Variants in PAPPA observed in about 807,000 individuals in gnomAD.
PAPPA encodes the protein pappalysin-1.
A neutral mutation model predicts 164.0 loss-of-function variants in PAPPA; 60 were observed. The ratio of observed to expected loss-of-function variants is 0.37; its 90% CI spans 0.30 to 0.45. The LOEUF (loss-of-function observed/expected upper bound fraction) is 0.45. Ranked by LOEUF, PAPPA falls within the 20% of genes least tolerant of loss-of-function variation. The pLI is 1.00. For missense variants in PAPPA, 1,782 were observed against 2,087.3 expected (o/e 0.85, Z 2.85); for synonymous variants, 875 against 814.1 (o/e 1.07, Z -1.27).
At chr9:116,223,321 G>A (rs990992942) in intron 5 of PAPPA, among the ~76,000 whole-genome samples, 15 of 152,114 alleles carry the variant, frequency 9.9e-5, no homozygotes, top group African/African-American at 3.6e-4. Flanking sequence ...CTTGAAAATG[G>A]AAGTTTCATA....
At chr9:116,188,528 T>C (rs890624329) in intron 2 of PAPPA, among the ~76,000 whole-genome samples, 8 of 152,158 alleles carry the variant, frequency 5.3e-5, no homozygotes, top group Non-Finnish European at 2.9e-5. Flanking sequence ...TTGTATGACA[T>C]AGAGTGGGTG....
chr9:116,240,076 A>G (rs531158625), intron 7 of PAPPA, among the ~76,000 whole-genome samples: 1 of 152,338 alleles, frequency 6.6e-6, no homozygotes, highest in South Asian at 2.1e-4. Flanking sequence ...CAAGAAGTAA[A>G]TACTCTGGAC....
At chr9:116,356,714 T>C (rs746130347) in intron 17 of PAPPA, among the ~76,000 whole-genome samples, 3 of 152,226 alleles carry the variant, frequency 2.0e-5, no homozygotes, top group Non-Finnish European at 4.4e-5. Context: ...CATTGGTCTA[T>C]ATATCTGTTT....
At chr9:116,338,114 G>A (rs1429845065) in intron 13 of PAPPA, among the ~76,000 whole-genome samples, 3 of 152,140 alleles carry the variant, frequency 2.0e-5, no homozygotes, top group Non-Finnish European at 4.4e-5. Context: ...GTTCATCCAC[G>A]TTGTGGTTCT....
Position 116,399,704 on chromosome 9 carries a change from A to G in PAPPA, c.*3088A>G, listed in dbSNP as rs1847020884. ...CCCAAAGGATTTGCATTACCCCCAG[A>G]TTCTGTGCCAACAACCTTTTAAGGA... On this transcript the variant is annotated 3_prime_UTR_variant, in exon 22 of 22. Coordinates refer to ENST00000328252, the MANE Select transcript of PAPPA (RefSeq NM_002581.5). 1 of 152,620 alleles carries G rather than the reference A, an allele frequency of 6.6e-6. No homozygotes were observed. Among genetic ancestry groups the G allele is most frequent in the South Asian group, 2.1e-4 (1 of 4,834 alleles). The allele number at this position is 152,620 out of a possible 1,614,324, so 9.5% of individuals were successfully genotyped here. A position where few individuals can be genotyped will look rare whatever the true frequency, so the allele number is the denominator to read the frequency against.
chr9:116,301,887 A>T (rs1310146664), intron 9 of PAPPA, among the ~76,000 whole-genome samples: 3 of 152,246 alleles, frequency 2.0e-5, no homozygotes, highest in African/African-American at 7.2e-5. Flanking sequence ...TATTCAAATT[A>T]ACAGAGCAAT....
chr9:116,341,930 G>A (rs1846143329), intron 13 of PAPPA, among the ~76,000 whole-genome samples: 2 of 152,218 alleles, frequency 1.3e-5, no homozygotes, highest in African/African-American at 4.8e-5. Context: ...AGATTTCCCT[G>A]ATTGGTAAAC....
intron 10 of PAPPA, among the ~76,000 whole-genome samples, chr9:116,321,682 A>G (rs1845857949): frequency 6.6e-6 from 1 of 152,266 alleles, no homozygotes; most frequent in African/African-American, 2.4e-5. Flanking sequence ...GGCCCTATAG[A>G]CTTTGATTTC....
chr9:116,338,692 C>T (rs1291589393), intron 13 of PAPPA, among the ~76,000 whole-genome samples: 1 of 152,202 alleles, frequency 6.6e-6, no homozygotes, highest in Admixed American at 6.5e-5. Context: ...GGGAATATAA[C>T]TACAAATGGA....
intron 7 of PAPPA, among the ~76,000 whole-genome samples, chr9:116,262,150 G>A (rs576028483): frequency 6.6e-6 from 1 of 151,464 alleles, no homozygotes; most frequent in South Asian, 2.1e-4. Context: ...GCGAGTTTGA[G>A]GCTACAGTGA....
At chr9:116,315,308 T>G (rs1246936123) in intron 10 of PAPPA, among the ~76,000 whole-genome samples, 2 of 152,174 alleles carry the variant, frequency 1.3e-5, no homozygotes, top group African/African-American at 2.4e-5. Context: ...CCTCATGTTC[T>G]TTCTGCTACT....
At chr9:116,209,081 G>C (rs1192064985) in intron 3 of PAPPA, among the ~76,000 whole-genome samples, 1 of 152,176 alleles carries the variant, frequency 6.6e-6, no homozygotes, top group Non-Finnish European at 1.5e-5. Flanking sequence ...CAATAGTGCT[G>C]AGGTTGAGAA....
At chr9:116,222,177 C>A (rs2118711020) in intron 5 of PAPPA, among the ~76,000 whole-genome samples, 1 of 152,256 alleles carries the variant, frequency 6.6e-6, no homozygotes, top group South Asian at 2.1e-4. Flanking sequence ...CTCCCATGTT[C>A]ACTGTACATT....
intron 1 of PAPPA, among the ~76,000 whole-genome samples, chr9:116,176,678 T>C (rs1843838643): frequency 6.6e-6 from 1 of 152,230 alleles, no homozygotes; most frequent in Non-Finnish European, 1.5e-5. Flanking sequence ...AGTATCCACA[T>C]AACTGCATGT....
At chr9:116,158,695 C>T (rs1843630748) in intron 1 of PAPPA, among the ~76,000 whole-genome samples, 1 of 152,210 alleles carries the variant, frequency 6.6e-6, no homozygotes, top group Non-Finnish European at 1.5e-5. Flanking sequence ...GACTGGGGAA[C>T]ACTTGAAGGT....
intron 3 of PAPPA, among the ~76,000 whole-genome samples, chr9:116,211,286 A>T (rs1844303509): frequency 6.6e-6 from 1 of 152,226 alleles, no homozygotes; most frequent in African/African-American, 2.4e-5. Context: ...TTACTTTGTA[A>T]GGGAAAGGTT....
chr9:116,323,278 T>C (rs1588003932), intron 10 of PAPPA, among the ~76,000 whole-genome samples: 1 of 152,154 alleles, frequency 6.6e-6, no homozygotes, highest in Admixed American at 6.5e-5. Flanking sequence ...CAAGAGTCTC[T>C]GGGTCCTGGA....
At chr9:116,268,035 A>G (rs900271149) in intron 8 of PAPPA, among the ~76,000 whole-genome samples, 5 of 152,110 alleles carry the variant, frequency 3.3e-5, no homozygotes, top group African/African-American at 7.2e-5. Context: ...TTTCCGGATC[A>G]TATGTTTATT....
intron 10 of PAPPA, among the ~76,000 whole-genome samples, chr9:116,324,337 C>G (rs978467795): frequency 1.3e-5 from 2 of 152,182 alleles, no homozygotes; most frequent in Non-Finnish European, 2.9e-5. Context: ...CTCACAGAGT[C>G]ATGGTGAGCA....
Sources: allele counts gnomAD v4.1 joint callset (sites outside exome capture counted in the v4.1 genomes callset), GRCh38; gene constraint gnomAD v4.1.1; transcripts MANE v1.5; gene names NCBI Gene and HGNC (gene_info 2026-07-23, HGNC 2026-07-21).